The following PSMF1 variants were observed in gnomAD, a reference collection of about 807,000 sequenced individuals.
PSMF1 encodes proteasome inhibitor subunit 1, also known as proteasome inhibitor PI31 subunit.
Under a neutral mutation model 29.3 loss-of-function variants are expected in PSMF1, and 30 were observed. That is an observed-to-expected ratio of 1.02 (90% CI 0.77 to 1.39). The LOEUF (loss-of-function observed/expected upper bound fraction) is 1.39. Ranked by LOEUF, PSMF1 falls within the 40% of genes most tolerant of loss-of-function variation. The pLI, the probability that PSMF1 is intolerant of heterozygous loss-of-function variation, is 0.00. For missense variants in PSMF1, 344 were observed against 357.5 expected (o/e 0.96, Z 0.31); for synonymous variants, 134 against 139.7 (o/e 0.96, Z 0.29).
chr20:1,120,243 G>A (rs578245897), intron 1 of PSMF1, among the ~76,000 whole-genome samples: 4 of 152,030 alleles, frequency 2.6e-5, no homozygotes, highest in East Asian at 1.9e-4. Flanking sequence ...GGGACCCCAG[G>A]TACACACTCA....
intron 3 of PSMF1, among the ~76,000 whole-genome samples, chr20:1,129,831 A>G (rs941704388): frequency 1.1e-4 from 17 of 152,242 alleles, no homozygotes; most frequent in Admixed American, 9.2e-4. Context: ...GCATATACCC[A>G]AAAGAATTGA....
chr20:1,155,145 G>A (rs1484000171), intron 4 of PSMF1, among the ~76,000 whole-genome samples: 2 of 152,210 alleles, frequency 1.3e-5, no homozygotes, highest in African/African-American at 2.4e-5. Context: ...ATATCCTGCA[G>A]TCCAAATTCA....
In PSMF1 at chr20:1,118,701, C is replaced by T; in HGVS notation, c.-73C>T. The T allele has an allele frequency of 6.6e-7, 1 of 1,506,142 alleles. No homozygotes were observed. Among genetic ancestry groups the T allele is most frequent in the Non-Finnish European group, 9.0e-7 (1 of 1,109,846 alleles). The allele number at this position is 1,506,142 out of a possible 1,614,324, so 93.3% of individuals were successfully genotyped here. ...AGAGGGAAGCAGAGTTATAGCTACC[C>T]CGGCCGCGGAGCCGGCTCACTGCAC... is the stretch of plus-strand genomic sequence containing the variant. On this transcript the variant is annotated 5_prime_UTR_variant, in exon 1 of 7. Coordinates refer to ENST00000335877, the MANE Select transcript of PSMF1 (RefSeq NM_006814.5).
chr20:1,123,840 A>G (rs546068177), intron 1 of PSMF1, among the ~76,000 whole-genome samples: 1 of 152,356 alleles, frequency 6.6e-6, no homozygotes, highest in East Asian at 1.9e-4. Flanking sequence ...CCACACCTAC[A>G]CAGACATCTG....
At chr20:1,137,071 A>G (rs1358259540) in intron 4 of PSMF1, among the ~76,000 whole-genome samples, 2 of 152,204 alleles carry the variant, frequency 1.3e-5, no homozygotes, top group African/African-American at 2.4e-5. Flanking sequence ...GAATTGTAGA[A>G]CATCCAGCAT....
intron 1 of PSMF1, among the ~76,000 whole-genome samples, 158 bp from the exon 2 acceptor site, chr20:1,125,340 C>T (rs539184550): frequency 4.6e-5 from 7 of 152,142 alleles, no homozygotes; most frequent in Non-Finnish European, 1.0e-4. Flanking sequence ...GGCCCTAGAC[C>T]TCTCTCTCGC....
chr20:1,161,350 T>A, intron 4 of PSMF1: 1 of 335,740 alleles, frequency 3.0e-6, no homozygotes, highest in Non-Finnish European at 5.6e-6. Context: ...TGTTTGGAGG[T>A]GTTGTTCCAG....
At chr20:1,143,917 C>A (rs1989400) in intron 4 of PSMF1, among the ~76,000 whole-genome samples, 1 of 151,774 alleles carries the variant, frequency 6.6e-6, no homozygotes, top group Non-Finnish European at 1.5e-5. Flanking sequence ...ATGGTGAAAC[C>A]GTGTCTCTTC....
intron 4 of PSMF1, among the ~76,000 whole-genome samples, chr20:1,137,917 C>G (rs1475312224): frequency 6.6e-6 from 1 of 152,100 alleles, no homozygotes; most frequent in African/African-American, 2.4e-5. Flanking sequence ...CAGCCCCCGC[C>G]AAAAGAGTAA....
intron 2 of PSMF1, 29 bp downstream of exon 2, chr20:1,125,679 G>A (rs369716339): frequency 6.3e-7 from 1 of 1,597,946 alleles, no homozygotes; most frequent in African/African-American, 1.3e-5. Context: ...TGAGTCTGCT[G>A]ATGAGATGGG....
In PSMF1 at chr20:1,154,459, C is replaced by T. The variant is rs978644954; in HGVS notation, c.552-8671C>T. Among the ~76,000 whole-genome samples, 14 of 152,198 alleles carry T rather than the reference C, an allele frequency of 9.2e-5. 1 individual carries two copies. The highest frequency in any genetic ancestry group is 4.1e-4 in the South Asian group (2 of 4,824). ...GCTCAGGGCCCTGTGACCAGTGCTTCTCTTGCATATGTACACATATACTTC... is the reference window on the plus strand; with the variant it reads ...GCTCAGGGCCCTGTGACCAGTGCTTTTCTTGCATATGTACACATATACTTC... On this transcript the variant is annotated intron_variant, in intron 4 of 6. Coordinates refer to ENST00000335877, the MANE Select transcript of PSMF1 (RefSeq NM_006814.5).
Position 1,133,555 on chromosome 20 carries a change from G to GTATATATATATA in PSMF1, c.366-1562_366-1551dup, listed in dbSNP as rs1311800612. ...ATAGGATATACTAGTCTATATATGT[G>GTATATATATATA]TATATATATATATATTTTTTTTTTT... On this transcript the variant is annotated intron_variant, in intron 3 of 6. Transcript: ENST00000335877. Among the ~76,000 whole-genome samples the GTATATATATATA allele has an allele frequency of 1.4e-3, 73 of 53,882 alleles. 3 individuals carry two copies. Among genetic ancestry groups the GTATATATATATA allele is most frequent in the Middle Eastern group, 9.3e-3 (1 of 108 alleles). 35.3% of individuals were successfully genotyped at this position (53,882 alleles called of 152,430 possible).
In PSMF1 at chr20:1,127,461, G is replaced by A. The variant is rs559251019; in HGVS notation, c.318G>A (p.Leu106=). The A allele has an allele frequency of 6.2e-7, 1 of 1,609,144 alleles. No individual in the cohort carries two copies. The highest frequency in any genetic ancestry group is 1.7e-5 in the Admixed American group (1 of 60,018). ...YGSQQVADLT[L]NLDDYIDAEH... is the part of the protein sequence containing the mutation. ...CACAGCAAGTGGCAGACTTGACCCT[G>A]AACTTGGATGATTATATCGATGCAG... The change falls in exon 3 of 7, where the codon CTG becomes CTA. Residue 106 remains leucine, a synonymous_variant. Transcript: ENST00000335877.
intron 4 of PSMF1, among the ~76,000 whole-genome samples, chr20:1,158,860 A>G (rs2086628402): frequency 1.3e-5 from 2 of 152,104 alleles, no homozygotes; most frequent in Admixed American, 6.6e-5. Flanking sequence ...CTAGAGAAGG[A>G]CGGAACCCCC....
intron 3 of PSMF1, 76 bp downstream of exon 3, chr20:1,127,584 G>A: frequency 8.2e-7 from 1 of 1,224,262 alleles, no homozygotes; most frequent in Non-Finnish European, 1.2e-6. Context: ...TAGGGTGGAT[G>A]TGTCCAGAAA....
chr20:1,145,453 C>T (rs558754775), intron 4 of PSMF1, among the ~76,000 whole-genome samples: 67 of 152,234 alleles, frequency 4.4e-4, no homozygotes, highest in South Asian at 1.7e-3. Context: ...GACCACTAAG[C>T]AGGCTCCTAA....
Position 1,166,104 on chromosome 20 carries a change from CCAGA to C in PSMF1, c.*1029_*1032del. ...CTGTGGTTTTTGGACCCCATGGGGCCCAGACAGAGCACAGGAGCATGGGCTGCCT... is the reference window on the plus strand; with the variant it reads ...CTGTGGTTTTTGGACCCCATGGGGCCCAGAGCACAGGAGCATGGGCTGCCT... On this transcript the variant is annotated 3_prime_UTR_variant, in exon 7 of 7. Coordinates refer to ENST00000335877, the MANE Select transcript of PSMF1 (RefSeq NM_006814.5). 6.5e-7 allele frequency: 1 copy of C among 1,544,932 alleles called. No individual in the cohort carries two copies. Among genetic ancestry groups the C allele is most frequent in the Non-Finnish European group, 8.7e-7 (1 of 1,143,060 alleles).
At chr20:1,161,628 A>G in intron 4 of PSMF1, 1 of 677,248 alleles carries the variant, frequency 1.5e-6, no homozygotes, top group Non-Finnish European at 2.8e-6. Flanking sequence ...TCCACCTTCC[A>G]GCAGATGTGG....
intron 1 of PSMF1, chr20:1,113,484 A>ACT (rs2085985766): frequency 6.3e-6 from 1 of 158,012 alleles, no homozygotes. Flanking sequence ...ACACACACAC[A>ACT]CACACACACC....
Sources: gnomAD v4.1 joint callset for allele counts (sites outside exome capture counted in the v4.1 genomes callset) on GRCh38, gnomAD v4.1.1 for gene constraint, MANE v1.5 for transcripts, NCBI Gene and HGNC (gene_info 2026-07-23, HGNC 2026-07-21) for gene names.